The following GALNT13 variants were observed in gnomAD, a reference collection of about 807,000 sequenced individuals.
The protein encoded by GALNT13 is polypeptide N-acetylgalactosaminyltransferase 13, also known as UDP-GalNAc:polypeptide N-acetylgalactosaminyltransferase 13.
GALNT13 carries 28 observed loss-of-function variants against 64.2 expected under a neutral mutation model. The observed-to-expected ratio is 0.44, with a 90% CI of 0.32 to 0.60. The LOEUF is 0.60. Ranked by LOEUF, GALNT13 falls within the 20% of genes least tolerant of loss-of-function variation. The probability of loss-of-function intolerance (pLI) is 0.05; values close to 1 mark genes in which losing one functional copy is unlikely to be tolerated. For synonymous variants in GALNT13, 214 were observed against 224.6 expected, an observed-to-expected ratio of 0.95 and a Z score of 0.42; for missense variants, 577 against 669.8, an observed-to-expected ratio of 0.86 and a Z score of 1.53.
chr2:153,345,657 T>TTC, the GALNT13 span, among the ~76,000 whole-genome samples: 1 of 138,252 alleles, frequency 7.2e-6, no homozygotes, highest in Non-Finnish European at 1.5e-5. Flanking sequence ...CTTTCTTTCT[T>TTC]TCTTTCTTTC....
chr2:153,927,070 G>A (rs1332619322), intron 2 of GALNT13, among the ~76,000 whole-genome samples: 5 of 151,812 alleles, frequency 3.3e-5, no homozygotes, highest in African/African-American at 1.2e-4. Context: ...TCTCAATATG[G>A]GGTATTTAAA....
chr2:153,476,370 T>G, the GALNT13 span, among the ~76,000 whole-genome samples: 2 of 152,248 alleles, frequency 1.3e-5, no homozygotes, highest in Non-Finnish European at 2.9e-5. Context: ...GTCTTTGAAA[T>G]TTTAATTGCT....
At chr2:153,362,553 CAAAAAAAA>C in the GALNT13 span, among the ~76,000 whole-genome samples, 1 of 80,316 alleles carries the variant, frequency 1.2e-5, no homozygotes, top group Non-Finnish European at 2.3e-5. Flanking sequence ...AAATGGAGAG[CAAAAAAAA>C]AAAAAAAAAA....
chr2:154,321,746 G>C (rs1015837487), intron 9 of GALNT13, among the ~76,000 whole-genome samples: 19 of 151,926 alleles, frequency 1.3e-4, no homozygotes, highest in African/African-American at 4.6e-4. Context: ...AGAAAATAAG[G>C]AAGCACTGGC....
At chr2:153,589,606 T>C in the GALNT13 span, among the ~76,000 whole-genome samples, 1 of 152,196 alleles carries the variant, frequency 6.6e-6, no homozygotes, top group African/African-American at 2.4e-5. Flanking sequence ...AGAGTTTTAA[T>C]GGACTTACAA....
the GALNT13 span, among the ~76,000 whole-genome samples, chr2:153,484,277 A>G: frequency 1.3e-5 from 2 of 152,064 alleles, no homozygotes; most frequent in Non-Finnish European, 2.9e-5. Context: ...TTAATACTAC[A>G]TTTGTCCATG....
chr2:154,201,073 G>A (rs558766669), intron 4 of GALNT13, among the ~76,000 whole-genome samples: 3 of 152,010 alleles, frequency 2.0e-5, no homozygotes, highest in Non-Finnish European at 2.9e-5. Flanking sequence ...CACATCAAGT[G>A]GTATATATAA....
In GALNT13 at chr2:154,267,945, A is replaced by G. The variant is rs113134424; in HGVS notation, c.975+8807A>G. Among the ~76,000 whole-genome samples, 1,027 of 152,316 alleles carry G rather than the reference A, an allele frequency of 6.7e-3. 13 individuals carry two copies. The highest frequency in any genetic ancestry group is 0.024 in the African/African-American group (983 of 41,568). ...AAACCACAATGAGATTACACTATGC[A>G]TTTATTAGAAAAAGAAAGGTTAAGA... On this transcript the variant is annotated intron_variant, in intron 8 of 12. Coordinates refer to ENST00000392825, the MANE Select transcript of GALNT13 (RefSeq NM_052917.4).
the GALNT13 span, among the ~76,000 whole-genome samples, chr2:153,244,498 G>A: frequency 3.9e-5 from 6 of 152,164 alleles, no homozygotes; most frequent in African/African-American, 1.2e-4. Flanking sequence ...TACAACCCAC[G>A]GAGTGTGAGC....
At chr2:153,528,383 A>C in the GALNT13 span, among the ~76,000 whole-genome samples, 1 of 152,024 alleles carries the variant, frequency 6.6e-6, no homozygotes, top group African/African-American at 2.4e-5. Context: ...GGATATAACA[A>C]ATTTTAGTAT....
intron 3 of GALNT13, among the ~76,000 whole-genome samples, chr2:154,080,934 TA>T (rs796963259): frequency 1.2e-4 from 18 of 151,704 alleles, no homozygotes; most frequent in African/African-American, 4.3e-4. Flanking sequence ...TGTTTAGTTT[TA>T]AAGTTTAGTT....
intron 3 of GALNT13, among the ~76,000 whole-genome samples, chr2:153,951,669 T>C (rs1682484467): frequency 6.6e-6 from 1 of 152,112 alleles, no homozygotes; most frequent in African/African-American, 2.4e-5. Context: ...TGAGTTTGTT[T>C]TGGACACGTT....
chr2:153,615,350 C>G, the GALNT13 span, among the ~76,000 whole-genome samples: 10 of 152,118 alleles, frequency 6.6e-5, no homozygotes, highest in African/African-American at 1.9e-4. Flanking sequence ...GTGCAGATGC[C>G]TCTTCCATAT....
chr2:153,393,704 G>A, the GALNT13 span, among the ~76,000 whole-genome samples: 1 of 151,850 alleles, frequency 6.6e-6, no homozygotes, highest in Admixed American at 6.6e-5. Flanking sequence ...AGTAAGATAG[G>A]CAACCCTCCA....
the GALNT13 span, among the ~76,000 whole-genome samples, chr2:153,423,704 T>C: frequency 6.6e-6 from 1 of 151,684 alleles, no homozygotes; most frequent in Non-Finnish European, 1.5e-5. Flanking sequence ...GTACTAGAAA[T>C]AGAAGTAACT....
At chr2:154,274,321 TAA>T in intron 8 of GALNT13, among the ~76,000 whole-genome samples, 1 of 152,148 alleles carries the variant, frequency 6.6e-6, no homozygotes, top group South Asian at 2.1e-4. Context: ...AATTTAGAAA[TAA>T]AAAATTTAAG....
the GALNT13 span, among the ~76,000 whole-genome samples, chr2:153,378,825 T>G: frequency 0.38 from 57,448 of 151,978 alleles, 11,435 homozygotes; most frequent in Non-Finnish European, 0.44. Flanking sequence ...GAAGCCAACT[T>G]GTACCCGCTT....
the GALNT13 span, among the ~76,000 whole-genome samples, chr2:153,695,828 G>A: frequency 2.0e-5 from 3 of 152,234 alleles, no homozygotes; most frequent in East Asian, 5.8e-4. Context: ...ACTGTATGAT[G>A]TTAGGCAGAA....
At chr2:154,066,270 A>C (rs1419250533) in intron 3 of GALNT13, among the ~76,000 whole-genome samples, 2 of 152,198 alleles carry the variant, frequency 1.3e-5, no homozygotes, top group African/African-American at 2.4e-5. Flanking sequence ...AGTTATTGGC[A>C]TTAAAGAGAA....
Sources: allele counts gnomAD v4.1 joint callset (sites outside exome capture counted in the v4.1 genomes callset), GRCh38; gene constraint gnomAD v4.1.1; transcripts MANE v1.5; gene names NCBI Gene and HGNC (gene_info 2026-07-23, HGNC 2026-07-21).